CDON: variants seen among roughly 807,000 people sequenced by gnomAD.
The protein encoded by CDON is cell adhesion associated, oncogene regulated, also known as cell adhesion molecule-related/down-regulated by oncogenes.
A neutral mutation model predicts 120.9 loss-of-function variants in CDON; 73 were observed. That is an observed-to-expected ratio of 0.60 (90% CI 0.50 to 0.73). The LOEUF (loss-of-function observed/expected upper bound fraction) is 0.73. CDON is among the 30% of genes least tolerant of loss of function. The pLI, the probability that CDON is intolerant of heterozygous loss-of-function variation, is 0.00. For missense variants in CDON, 1,470 were observed against 1,587.3 expected (o/e 0.93, Z 1.26); for synonymous variants, 566 against 573.5 (o/e 0.99, Z 0.19).
In CDON at chr11:125,959,464, C is replaced by A. The variant is rs1048144470; in HGVS notation, c.*1478G>T. On this transcript the variant is annotated 3_prime_UTR_variant, in exon 20 of 20. Transcript: ENST00000531738. ...TTTAATGTGAAGAGCCTTCCAAAGG[C>A]AGCTGCAAATGTCCTTGTCACGCAG... 1.3e-5 allele frequency: 2 copies of A among 152,102 alleles called. No individual in the cohort carries two copies. Among genetic ancestry groups the A allele is most frequent in the African/African-American group, 4.8e-5 (2 of 41,396 alleles). 9.4% of individuals were successfully genotyped at this position (152,102 alleles called of 1,614,324 possible).
At chr11:126,060,879 C>A (rs919707742) in intron 1 of CDON, among the ~76,000 whole-genome samples, 1 of 152,170 alleles carries the variant, frequency 6.6e-6, no homozygotes. Flanking sequence ...GATTTAGAAG[C>A]CAAGCTACAC....
intron 1 of CDON, among the ~76,000 whole-genome samples, chr11:126,028,314 T>C (rs777965800): frequency 3.3e-5 from 5 of 152,116 alleles, no homozygotes; most frequent in Admixed American, 2.0e-4. Context: ...TGATAATACA[T>C]GTTAGGGTTT....
At chr11:126,052,030 A>G (rs485327) in intron 1 of CDON, among the ~76,000 whole-genome samples, 94,548 of 152,012 alleles carry the variant, frequency 0.62, 30,022 homozygotes, top group African/African-American at 0.74. Flanking sequence ...CCTAATAGGA[A>G]ACCACAGTTA....
At chr11:126,018,566 T>G in intron 4 of CDON, 93 bp from the exon 5 acceptor site, 1 of 1,088,116 alleles carries the variant, frequency 9.2e-7, no homozygotes, top group South Asian at 1.3e-5. Flanking sequence ...TTATGCTCTA[T>G]TCCATCTTAT....
At chr11:125,970,178 T>G (rs867795177) in intron 18 of CDON, among the ~76,000 whole-genome samples, 1 of 124,982 alleles carries the variant, frequency 8.0e-6, no homozygotes, top group African/African-American at 2.7e-5. Context: ...TTATGTTTTT[T>G]TTTTTTTTTT....
chr11:125,973,018 C>CTTTGTTTTTTTTTTTTTTTTT (rs1946047242), intron 18 of CDON, among the ~76,000 whole-genome samples: 1 of 87,070 alleles, frequency 1.1e-5, no homozygotes, highest in Non-Finnish European at 2.2e-5. Context: ...ATTACTTGGT[C>CTTTGTTTTTTTTTTTTTTTTT]TTTTTTTTTT....
intron 3 of CDON, among the ~76,000 whole-genome samples, chr11:126,020,511 T>C (rs999190907): frequency 1.3e-5 from 2 of 152,162 alleles, no homozygotes; most frequent in African/African-American, 4.8e-5. Context: ...CTCCAGTGTG[T>C]GTCTTACAGC....
intron 11 of CDON, among the ~76,000 whole-genome samples, chr11:125,999,128 A>T (rs1361802491): frequency 6.6e-6 from 1 of 152,262 alleles, no homozygotes. Flanking sequence ...TACTTACTGT[A>T]TTCCTTTCAA....
intron 15 of CDON, among the ~76,000 whole-genome samples, chr11:125,985,282 T>G (rs1172277326): frequency 6.6e-6 from 1 of 152,226 alleles, no homozygotes; most frequent in Non-Finnish European, 1.5e-5. Context: ...CCAGCGATTC[T>G]CCTGCCTCAG....
intron 1 of CDON, among the ~76,000 whole-genome samples, chr11:126,045,477 A>G (rs1948384102): frequency 6.6e-6 from 1 of 152,248 alleles, no homozygotes; most frequent in South Asian, 2.1e-4. Flanking sequence ...AAACATAACA[A>G]TAGCAATCTA....
chr11:126,000,796 A>T (rs541809665), intron 11 of CDON, among the ~76,000 whole-genome samples: 6 of 152,268 alleles, frequency 3.9e-5, no homozygotes, highest in Non-Finnish European at 8.8e-5. Flanking sequence ...GTCTGACATC[A>T]ATTCATGGAA....
Position 126,005,996 on chromosome 11 carries a change from A to T in CDON, c.1614T>A (p.Asp538Glu). 1 of 1,614,118 alleles carries T rather than the reference A, an allele frequency of 6.2e-7. No homozygotes were observed. The highest frequency in any genetic ancestry group is 8.5e-7 in the Non-Finnish European group (1 of 1,179,992). ...TVTLPDAAQN[D>E]DRSKRDGSET... ...CTGAACCATCTCTCTTACTTCTGTCATCATTCTGAGCAGCATCAGGAAGTG... is the reference window on the plus strand; with the variant it reads ...CTGAACCATCTCTCTTACTTCTGTCTTCATTCTGAGCAGCATCAGGAAGTG... The change falls in exon 9 of 20, where the codon GAT becomes GAA. Residue 538 changes from aspartate (D) to glutamate (E), a missense_variant. Transcript: ENST00000531738.
chr11:126,053,565 C>A (rs1328564414), intron 1 of CDON, among the ~76,000 whole-genome samples: 1 of 152,178 alleles, frequency 6.6e-6, no homozygotes, highest in East Asian at 1.9e-4. Flanking sequence ...ATAAATGGCA[C>A]CTTTCCTGCA....
chr11:125,977,236 G>C (rs535399285), intron 18 of CDON, among the ~76,000 whole-genome samples: 2 of 152,236 alleles, frequency 1.3e-5, no homozygotes, highest in East Asian at 3.9e-4. Flanking sequence ...GAAGCAGATG[G>C]CTCTTTTATA....
rs76395540 is a variant in CDON at position 126,004,928 on chromosome 11, A to C, written c.1851+831T>G. Among the ~76,000 whole-genome samples, 20 of 152,322 alleles carry C rather than the reference A, an allele frequency of 1.3e-4. 1 individual carries two copies. Among genetic ancestry groups the C allele is most frequent in the East Asian group, 1.2e-3 (6 of 5,188 alleles). On this transcript the variant is annotated intron_variant, in intron 9 of 19. Transcript: ENST00000531738. Reference sequence around the variant, plus strand: ...AACACAAGCCCATGGGGAAAATGATATTTGAAGAGTTAACTGAGAGAGGCC... The same window carrying C: ...AACACAAGCCCATGGGGAAAATGATCTTTGAAGAGTTAACTGAGAGAGGCC...
intron 18 of CDON, 69 bp downstream of exon 18, chr11:125,978,234 CT>C (rs1430809535): frequency 4.7e-6 from 4 of 858,064 alleles, no homozygotes; most frequent in African/African-American, 1.7e-5. Context: ...ACTTTCTTTG[CT>C]GAAGGGAAAA....
In CDON at chr11:125,989,640, T is replaced by C. The variant is rs747965171; in HGVS notation, c.2770A>G (p.Lys924Glu). 115 of 1,612,868 alleles carry C rather than the reference T, an allele frequency of 7.1e-5. No homozygotes were observed. The highest frequency in any genetic ancestry group is 9.7e-5 in the Non-Finnish European group (114 of 1,179,226). Residue 924 changes from lysine (K) to glutamate (E), a missense_variant, in exon 15 of 20, where the codon AAA becomes GAA. Coordinates refer to ENST00000531738, the MANE Select transcript of CDON (RefSeq NM_001378964.1). ...EFSNVMICET[K>E]VKRVPGASEY... Reference sequence around the variant, plus strand: ...GGAAAAGCAAAAATTCTCCTACCTTTAGTCTCGCAGATCATCACATTGCTA... The same window carrying C: ...GGAAAAGCAAAAATTCTCCTACCTTCAGTCTCGCAGATCATCACATTGCTA...
intron 18 of CDON, among the ~76,000 whole-genome samples, chr11:125,965,401 C>G (rs2134356354): frequency 6.6e-6 from 1 of 152,284 alleles, no homozygotes; most frequent in South Asian, 2.1e-4. Flanking sequence ...GGCTGAGATT[C>G]TGCAGGAAAG....
chr11:126,006,191 G>A (rs1947125474), intron 8 of CDON, 134 bp from the exon 9 acceptor site: 2 of 746,830 alleles, frequency 2.7e-6, no homozygotes, highest in Non-Finnish European at 4.7e-6. Context: ...GGGTAACACT[G>A]CCATTTATAA....
Sources: gnomAD v4.1 joint callset for allele counts (sites outside exome capture counted in the v4.1 genomes callset) on GRCh38, gnomAD v4.1.1 for gene constraint, MANE v1.5 for transcripts, NCBI Gene and HGNC (gene_info 2026-07-23, HGNC 2026-07-21) for gene names.